GPR180: variants seen among roughly 807,000 people sequenced by gnomAD.
GPR180 encodes G protein-coupled receptor 180, also known as integral membrane protein GPR180.
GPR180 carries 53 observed loss-of-function variants against 52.6 expected under a neutral mutation model. The ratio of observed to expected loss-of-function variants is 1.01; its 90% CI spans 0.81 to 1.27. The LOEUF (loss-of-function observed/expected upper bound fraction) is 1.27, where lower values mean the gene tolerates loss of function less well. Among genes scored for constraint, GPR180 ranks in the 50% most tolerant of loss-of-function variants. GPR180 has a pLI of 0.00. For missense variants in GPR180, 533 were observed against 527.0 expected, an observed-to-expected ratio of 1.01 and a Z score of -0.11; for synonymous variants, 200 against 193.1, an observed-to-expected ratio of 1.04 and a Z score of -0.30.
intron 1 of GPR180, among the ~76,000 whole-genome samples, chr13:94,603,458 T>G (rs1233770605): frequency 6.6e-6 from 1 of 152,208 alleles, no homozygotes; most frequent in Non-Finnish European, 1.5e-5. Context: ...ATAAGGTGTT[T>G]CAAGTGCGTT....
chr13:94,625,019 G>A (rs1268382432), intron 7 of GPR180, among the ~76,000 whole-genome samples: 1 of 149,034 alleles, frequency 6.7e-6, no homozygotes, highest in Admixed American at 6.7e-5. Context: ...TCTCCATGTT[G>A]GTCAGGCTGT....
At chr13:94,608,159 G>C (rs1889657974) in intron 2 of GPR180, among the ~76,000 whole-genome samples, 1 of 152,162 alleles carries the variant, frequency 6.6e-6, no homozygotes, top group African/African-American at 2.4e-5. Flanking sequence ...GGTGCAATGG[G>C]AAGACCATAA....
chr13:94,625,920 A>G lies in GPR180; in HGVS notation c.1087-46A>G, dbSNP rs774276253. On this transcript the variant is annotated intron_variant, in intron 7 of 8. Coordinates refer to ENST00000376958, the MANE Select transcript of GPR180 (RefSeq NM_180989.6). The stretch of plus-strand genomic sequence containing the variant: ...ATTTTTTTGTCTGGTACATGCTGAA[A>G]AAAAGCTACACAGTTCTACTTATTT... 5 of 1,482,506 alleles carry G rather than the reference A, an allele frequency of 3.4e-6. No homozygotes were observed. In the African/African-American group the frequency reaches 7.0e-5, roughly 21 times the overall value. 91.8% of individuals were successfully genotyped at this position (1,482,506 alleles called of 1,614,324 possible).
At chr13:94,610,814 C>A (rs755866518) in intron 2 of GPR180, among the ~76,000 whole-genome samples, 16 of 152,216 alleles carry the variant, frequency 1.1e-4, no homozygotes, top group Non-Finnish European at 2.4e-4. Context: ...ACACAGCCCC[C>A]CTCCAAGTAT....
At chr13:94,621,347 T>C (rs1889849418) in intron 6 of GPR180, 112 bp downstream of exon 6, 1 of 827,706 alleles carries the variant, frequency 1.2e-6, no homozygotes, top group African/African-American at 1.8e-5. Context: ...TGTCATTTTT[T>C]TTTTCTTGAA....
intron 3 of GPR180, among the ~76,000 whole-genome samples, chr13:94,616,618 T>TTA (rs555426070): frequency 7.1e-4 from 108 of 152,380 alleles, no homozygotes; most frequent in Non-Finnish European, 1.1e-3. Context: ...TGTATGCTCA[T>TTA]TAAGAGTATT....
intron 2 of GPR180, among the ~76,000 whole-genome samples, chr13:94,611,672 C>G (rs971639015): frequency 6.6e-6 from 1 of 151,898 alleles, no homozygotes; most frequent in African/African-American, 2.4e-5. Context: ...TAATTCTGCC[C>G]CCACTCAGCC....
At chr13:94,624,586 C>T (rs1393108632) in intron 7 of GPR180, among the ~76,000 whole-genome samples, 1 of 152,204 alleles carries the variant, frequency 6.6e-6, no homozygotes. Context: ...GAGACGGTGT[C>T]TCGCTCTATC....
At chr13:94,604,611 T>G (rs1176674269) in intron 1 of GPR180, among the ~76,000 whole-genome samples, 1 of 152,058 alleles carries the variant, frequency 6.6e-6, no homozygotes, top group Non-Finnish European at 1.5e-5. Flanking sequence ...AGTTTTGCTC[T>G]GTCACCCAGA....
chr13:94,631,339 A>G lies in GPR180; in HGVS notation c.*4168A>G, dbSNP rs1470611604. On this transcript the variant is annotated 3_prime_UTR_variant, in exon 9 of 9. Transcript: ENST00000376958. Reference sequence around the variant, plus strand: ...TTTCCAACTGCCAGACACAAAAGAAACCGCCTCCTATAATCCCTATAATAA... The same window carrying G: ...TTTCCAACTGCCAGACACAAAAGAAGCCGCCTCCTATAATCCCTATAATAA... 1 of 151,824 alleles carries G rather than the reference A, an allele frequency of 6.6e-6. No individual in the cohort carries two copies. Among genetic ancestry groups the G allele is most frequent in the Non-Finnish European group, 1.5e-5 (1 of 68,008 alleles). The allele number at this position is 151,824 out of a possible 1,614,324, so 9.4% of individuals were successfully genotyped here. A position where few individuals can be genotyped will look rare whatever the true frequency, so the allele number is the denominator to read the frequency against.
At position 94,634,344 on chromosome 13, in the gene GPR180, A is replaced by G. The variant is rs1200744291; in HGVS notation, c.*7173A>G. 1 of 152,146 alleles carries G rather than the reference A, an allele frequency of 6.6e-6. No homozygotes were observed. The highest frequency in any genetic ancestry group is 1.5e-5 in the Non-Finnish European group (1 of 68,016). 9.4% of individuals were successfully genotyped at this position (152,146 alleles called of 1,614,324 possible). ...AACTAGGTTTTCCCATAGTGATCCA[A>G]GAAACTAGTACGAAATGCCTTTCTG... On this transcript the variant is annotated 3_prime_UTR_variant, in exon 9 of 9. Transcript: ENST00000376958.
Position 94,618,760 on chromosome 13 carries a change from A to G in GPR180, c.506-390A>G, listed in dbSNP as rs1245121858. Among the ~76,000 whole-genome samples, 4 of 152,146 alleles carry G rather than the reference A, an allele frequency of 2.6e-5. No individual in the cohort carries two copies. The South Asian group carries it at 8.3e-4, about 32-fold the overall frequency. The stretch of plus-strand genomic sequence containing the variant: ...GGGCATATTAAACTGTTATTGACTG[A>G]GGTAATCTATTTCTAAACTTTTTAC... On this transcript the variant is annotated intron_variant, in intron 3 of 8. Coordinates refer to ENST00000376958, the MANE Select transcript of GPR180 (RefSeq NM_180989.6).
At chr13:94,616,908 T>TATCTTTTAAGC (rs1328988335) in intron 3 of GPR180, among the ~76,000 whole-genome samples, 1 of 152,210 alleles carries the variant, frequency 6.6e-6, no homozygotes, top group Non-Finnish European at 1.5e-5. Context: ...TTAAGCATTT[T>TATCTTTTAAGC]ATGTACAGTT....
At chr13:94,621,012 T>G (rs921313294) in intron 5 of GPR180, 66 bp from the exon 6 acceptor site, 5 of 1,418,776 alleles carry the variant, frequency 3.5e-6, no homozygotes, top group Non-Finnish European at 3.8e-6. Context: ...ATGTTCTCAA[T>G]GCAAAAAGCA....
chr13:94,618,047 C>A (rs964991450), intron 3 of GPR180, among the ~76,000 whole-genome samples: 1 of 152,182 alleles, frequency 6.6e-6, no homozygotes, highest in Non-Finnish European at 1.5e-5. Flanking sequence ...GAAGACTGTA[C>A]TAAAAAGCTG....
At position 94,628,909 on chromosome 13, in the gene GPR180, A is replaced by T. The variant is rs1889960211; in HGVS notation, c.*1738A>T. Reference sequence around the variant, plus strand: ...TTTCATGAATTTTGTGAACTTGCCAAAAGGGGAAGGGAAAAATCTTTGTGT... The same window carrying T: ...TTTCATGAATTTTGTGAACTTGCCATAAGGGGAAGGGAAAAATCTTTGTGT... On this transcript the variant is annotated 3_prime_UTR_variant, in exon 9 of 9. Transcript: ENST00000376958. The T allele has an allele frequency of 6.6e-6, 1 of 152,142 alleles. No homozygotes were observed. The highest frequency in any genetic ancestry group is 1.5e-5 in the Non-Finnish European group (1 of 67,972). The allele number at this position is 152,142 out of a possible 1,614,324, so 9.4% of individuals were successfully genotyped here.
Position 94,621,132 on chromosome 13 carries a change from T to C in GPR180, c.791T>C (p.Met264Thr), listed in dbSNP as rs773352610. 3 of 1,612,650 alleles carry C rather than the reference T, an allele frequency of 1.9e-6. No individual in the cohort carries two copies. The highest frequency in any genetic ancestry group is 3.4e-5 in the Admixed American group (2 of 59,354). ...TTATACTTACTTTTGAGTCTATGCA[T>C]GGGTTGGACAATAGTCAGAATGAAG... is the stretch of plus-strand genomic sequence containing the variant. ...QMLYLLLSLC[M>T]GWTIVRMKKS... The change falls in exon 6 of 9, where the codon ATG becomes ACG. Residue 264 changes from methionine (M) to threonine (T), a missense_variant. Met to Thr is a moderately conservative substitution (Grantham distance 81). Transcript: ENST00000376958.
At chr13:94,617,942 C>T (rs1265250138) in intron 3 of GPR180, among the ~76,000 whole-genome samples, 3 of 152,062 alleles carry the variant, frequency 2.0e-5, no homozygotes, top group Non-Finnish European at 4.4e-5. Context: ...TAGCCTGCTG[C>T]TTTATTATAA....
At chr13:94,613,114 G>T (rs1175676001) in intron 3 of GPR180, among the ~76,000 whole-genome samples, 3 of 152,150 alleles carry the variant, frequency 2.0e-5, no homozygotes, top group Non-Finnish European at 4.4e-5. Context: ...TAACATATTG[G>T]AGTAAGGATT....
Sources: gnomAD v4.1 joint callset for allele counts (sites outside exome capture counted in the v4.1 genomes callset) on GRCh38, gnomAD v4.1.1 for gene constraint, MANE v1.5 for transcripts, NCBI Gene and HGNC (gene_info 2026-07-23, HGNC 2026-07-21) for gene names.